CSMD1: variants seen among roughly 807,000 people sequenced by gnomAD.
CSMD1 encodes the protein CUB and sushi domain-containing protein 1.
In CSMD1, 213 loss-of-function variants were observed where a neutral mutation model predicts 417.5. The ratio of observed to expected loss-of-function variants is 0.51; its 90% CI spans 0.46 to 0.57. CSMD1 has a LOEUF of 0.57. Among genes scored for constraint, CSMD1 ranks in the 20% least tolerant of loss-of-function variants. The pLI is 0.00. For missense variants in CSMD1, 6,923 were observed against 4,529.7 expected (o/e 1.53, Z -15.17); for synonymous variants, 2,862 against 1,736.8 (o/e 1.65, Z -16.11).
intron 1 of CSMD1, among the ~76,000 whole-genome samples, chr8:4,734,469 C>T (rs1027373806): frequency 2.0e-5 from 3 of 151,970 alleles, no homozygotes; most frequent in South Asian, 4.2e-4. Context: ...AATAACTTTT[C>T]TTGTGTGGCC....
intron 2 of CSMD1, among the ~76,000 whole-genome samples, chr8:4,636,113 T>C (rs1260328326): frequency 6.6e-6 from 1 of 152,112 alleles, no homozygotes; most frequent in African/African-American, 2.4e-5. Context: ...AGAGATTTTT[T>C]TCTCATCCCA....
intron 1 of CSMD1, among the ~76,000 whole-genome samples, chr8:4,721,612 T>C (rs1456532201): frequency 2.6e-5 from 4 of 152,208 alleles, no homozygotes; most frequent in Admixed American, 2.0e-4. Flanking sequence ...TTTGTGTGAA[T>C]ATAGATTGGT....
chr8:4,248,463 G>A (rs564811511), intron 3 of CSMD1, among the ~76,000 whole-genome samples: 1 of 152,046 alleles, frequency 6.6e-6, no homozygotes, highest in Non-Finnish European at 1.5e-5. Context: ...AAGTAAAAAG[G>A]TCAGTCGTTA....
chr8:3,969,580 T>C (rs919714461), intron 5 of CSMD1, among the ~76,000 whole-genome samples: 5 of 152,178 alleles, frequency 3.3e-5, no homozygotes, highest in African/African-American at 9.7e-5. Context: ...GACGGCATAA[T>C]TGAAATTTCA....
Position 2,961,207 on chromosome 8 carries a change from A to G in CSMD1, c.9636T>C (p.Ala3212=). The G allele has an allele frequency of 6.3e-7, 1 of 1,592,266 alleles. No individual in the cohort carries two copies. Among genetic ancestry groups the G allele is most frequent in the Non-Finnish European group, 8.6e-7 (1 of 1,165,762 alleles). Residue 3212 remains alanine (A), a synonymous_variant, in exon 62 of 70, where the codon GCT becomes GCC. Transcript: ENST00000635120. Reference sequence around the variant, plus strand: ...TACCAGGGTCTGGGCAGGTGTTATGAGCAGGATCTGAAATTTGTGATTTAA... The same window carrying G: ...TACCAGGGTCTGGGCAGGTGTTATGGGCAGGATCTGAAATTTGTGATTTAA... The part of the protein sequence containing the change: ...SGIQPTCIDP[A]HNTCPDPGTP...
rs772623459 is a variant in CSMD1, at chr8:3,689,061, G to A, written c.1009+19353C>T. Among the ~76,000 whole-genome samples the A allele has an allele frequency of 5.9e-4, 90 of 152,300 alleles. 2 individuals carry two copies. The highest frequency in any genetic ancestry group is 3.3e-4 in the Admixed American group (5 of 15,304). On this transcript the variant is annotated intron_variant, in intron 7 of 69. Transcript: ENST00000635120. ...ATCTAAGGGTCATCTAAGTAAACAT[G>A]TGACTGATACACTTATTCCCAACTC...
intron 1 of CSMD1, among the ~76,000 whole-genome samples, chr8:4,906,115 T>C (rs1805257083): frequency 6.6e-6 from 1 of 152,178 alleles, no homozygotes; most frequent in Non-Finnish European, 1.5e-5. Context: ...TTGTATGATA[T>C]ATGGTAGGTT....
At chr8:3,167,168 G>A (rs13279354) in intron 37 of CSMD1, among the ~76,000 whole-genome samples, 4 of 151,584 alleles carry the variant, frequency 2.6e-5, no homozygotes, top group South Asian at 2.1e-4. Flanking sequence ...GCCTGTAATC[G>A]CAGGTACTTG....
rs1585049901 is a variant in CSMD1 at position 3,359,540 on chromosome 8, A to G, written c.3116-200T>C. Among the ~76,000 whole-genome samples the G allele has an allele frequency of 2.1e-5, 3 of 143,694 alleles. No homozygotes were observed. The South Asian group carries it at 6.6e-4, about 32-fold the overall frequency. 94.3% of individuals were successfully genotyped at this position (143,694 alleles called of 152,430 possible). A position where few individuals can be genotyped will look rare whatever the true frequency, so the allele number is the denominator to read the frequency against. On this transcript the variant is annotated intron_variant, in intron 20 of 69. Coordinates refer to ENST00000635120, the MANE Select transcript of CSMD1 (RefSeq NM_033225.6). ...TATGACAAATGACATGGGATTTAGT[A>G]TTTTTTTTTTTTTAAGAATTGACAG...
intron 3 of CSMD1, among the ~76,000 whole-genome samples, chr8:4,144,181 G>A (rs1035557265): frequency 6.6e-6 from 1 of 150,888 alleles, no homozygotes; most frequent in Non-Finnish European, 1.5e-5. Flanking sequence ...AGCACGAATT[G>A]GCCTTAGACC....
At chr8:4,029,310 G>A (rs144629395) in intron 4 of CSMD1, among the ~76,000 whole-genome samples, 139 of 152,314 alleles carry the variant, frequency 9.1e-4, no homozygotes, top group African/African-American at 2.9e-3. Flanking sequence ...TCACGCTGGT[G>A]ATAATGCATA....
At chr8:4,740,827 G>A (rs1039914262) in intron 1 of CSMD1, among the ~76,000 whole-genome samples, 1 of 152,128 alleles carries the variant, frequency 6.6e-6, no homozygotes, top group African/African-American at 2.4e-5. Flanking sequence ...GAAGTTTCAG[G>A]ATGAATCTTA....
At chr8:3,344,460 T>C (rs1807858738) in intron 22 of CSMD1, among the ~76,000 whole-genome samples, 2 of 152,008 alleles carry the variant, frequency 1.3e-5, no homozygotes, top group Admixed American at 1.3e-4. Context: ...TAAGATAAAA[T>C]AAAATAAAGT....
chr8:3,212,067 G>C (rs899109365), intron 30 of CSMD1, among the ~76,000 whole-genome samples: 2 of 152,100 alleles, frequency 1.3e-5, no homozygotes, highest in Non-Finnish European at 2.9e-5. Flanking sequence ...CAGGCACCAG[G>C]GAGACCTTGG....
chr8:4,537,661 C>T (rs1315966576), intron 2 of CSMD1, among the ~76,000 whole-genome samples: 2 of 152,140 alleles, frequency 1.3e-5, no homozygotes, highest in African/African-American at 4.8e-5. Flanking sequence ...ATTTGCATTA[C>T]TTTCATTCTT....
At chr8:3,350,019 GTGTA>G (rs991991070) in intron 21 of CSMD1, among the ~76,000 whole-genome samples, 124 of 143,132 alleles carry the variant, frequency 8.7e-4, no homozygotes, top group African/African-American at 2.8e-3. Flanking sequence ...ATAATAACTT[GTGTA>G]TGTGTGTGTT....
intron 2 of CSMD1, among the ~76,000 whole-genome samples, chr8:4,582,998 A>G (rs929998001): frequency 5.3e-5 from 8 of 152,056 alleles, no homozygotes; most frequent in Non-Finnish European, 8.8e-5. Flanking sequence ...GGTGTACTGA[A>G]TCCCCCAGCA....
chr8:4,907,724 A>AC (rs1350734162), intron 1 of CSMD1, among the ~76,000 whole-genome samples: 90 of 147,084 alleles, frequency 6.1e-4, no homozygotes, highest in Non-Finnish European at 1.2e-3. Flanking sequence ...ATCCCCGGCA[A>AC]TTTTTTTTTT....
chr8:4,309,093 C>G (rs914281176), intron 3 of CSMD1, among the ~76,000 whole-genome samples: 4 of 152,190 alleles, frequency 2.6e-5, no homozygotes, highest in Non-Finnish European at 5.9e-5. Context: ...TTTTTGTAGT[C>G]ACTTGTTCTA....
Sources: gnomAD v4.1 joint callset for allele counts (sites outside exome capture counted in the v4.1 genomes callset) on GRCh38, gnomAD v4.1.1 for gene constraint, MANE v1.5 for transcripts, NCBI Gene and HGNC (gene_info 2026-07-23, HGNC 2026-07-21) for gene names.